The following PRIM2 variants were observed in gnomAD, a reference collection of about 807,000 sequenced individuals.
PRIM2 encodes the protein DNA primase large subunit.
PRIM2 carries 39 observed loss-of-function variants against 67.3 expected under a neutral mutation model. The ratio of observed to expected loss-of-function variants is 0.58; its 90% CI spans 0.45 to 0.76. The LOEUF (loss-of-function observed/expected upper bound fraction) is 0.76. Among genes scored for constraint, PRIM2 ranks in the 30% least tolerant of loss-of-function variants. PRIM2 has a pLI of 0.00. For synonymous variants in PRIM2, 143 were observed against 198.7 expected, an observed-to-expected ratio of 0.72 and a Z score of 2.36; for missense variants, 398 against 598.7, an observed-to-expected ratio of 0.66 and a Z score of 3.50.
intron 8 of PRIM2, among the ~76,000 whole-genome samples, chr6:57,520,385 A>G (rs1554348790): frequency 0.39 from 59,685 of 151,842 alleles, 12,006 homozygotes; most frequent in East Asian, 0.67. Flanking sequence ...TTCATGACTA[A>G]CCTATTATGA....
Position 57,391,275 on chromosome 6 carries a change from T to C in PRIM2, c.693+9107T>C, listed in dbSNP as rs577484768. Among the ~76,000 whole-genome samples the C allele has an allele frequency of 2.1e-4, 31 of 148,544 alleles. No homozygotes were observed. In the South Asian group the frequency reaches 6.2e-3, roughly 30 times the overall value. ...ATTTAAATTCCTTATAGATGTTGAA[T>C]ATTAGACCTTTGTCAGATGCATAGT... On this transcript the variant is annotated intron_variant, in intron 7 of 13. Transcript: ENST00000615550.
At chr6:57,318,651 C>T in intron 2 of PRIM2, 52 bp downstream of exon 2, 3 of 1,391,634 alleles carry the variant, frequency 2.2e-6, no homozygotes, top group Non-Finnish European at 3.0e-6. Flanking sequence ...CTCACTTACC[C>T]TTTGTGAGAA....
At chr6:57,229,075 T>A in the PRIM2 span, among the ~76,000 whole-genome samples, 1 of 152,254 alleles carries the variant, frequency 6.6e-6, no homozygotes, top group African/African-American at 2.4e-5. Flanking sequence ...AGTGTCCAAG[T>A]ATGGATTGTT....
intron 7 of PRIM2, among the ~76,000 whole-genome samples, chr6:57,444,705 G>A (rs1441874457): frequency 6.6e-6 from 1 of 152,170 alleles, no homozygotes; most frequent in Non-Finnish European, 1.5e-5. Flanking sequence ...ATGTGTTTTA[G>A]CAGAAAGGTT....
chr6:57,340,021 C>A (rs1233483317), intron 5 of PRIM2, among the ~76,000 whole-genome samples: 1 of 151,322 alleles, frequency 6.6e-6, no homozygotes, highest in Non-Finnish European at 1.5e-5. Flanking sequence ...GAAAAAAAAA[C>A]AACCCCATCA....
At chr6:57,240,042 A>G in the PRIM2 span, among the ~76,000 whole-genome samples, 1 of 151,612 alleles carries the variant, frequency 6.6e-6, no homozygotes, top group Non-Finnish European at 1.5e-5. Flanking sequence ...AAGAAGAGAT[A>G]TAAATTATAT....
intron 10 of PRIM2, among the ~76,000 whole-genome samples, chr6:57,539,075 T>C (rs1437922578): frequency 6.6e-6 from 1 of 152,188 alleles, no homozygotes; most frequent in Non-Finnish European, 1.5e-5. Flanking sequence ...TTTTTCAGAT[T>C]TGTTTTAAAA....
At chr6:57,614,864 A>ATATATATGTG (rs1164957758) in intron 12 of PRIM2, among the ~76,000 whole-genome samples, 1 of 150,744 alleles carries the variant, frequency 6.6e-6, no homozygotes, top group Admixed American at 6.6e-5. Context: ...ATATATATAT[A>ATATATATGTG]TGTATGTGTG....
Position 57,600,971 on chromosome 6 carries a change from G to A in PRIM2, c.1021-122G>A, listed in dbSNP as rs1277898917. On this transcript the variant is annotated intron_variant, in intron 10 of 13. Transcript: ENST00000615550. ...ACATGGCATGAATGTACATCTGCCC[G>A]TGAATGCTGAGTTTATTCTAGAAAA... 31 of 861,030 alleles carry A rather than the reference G, an allele frequency of 3.6e-5. 1 individual carries two copies. Among genetic ancestry groups the A allele is most frequent in the Middle Eastern group, 3.4e-4 (1 of 2,916 alleles). The allele number at this position is 861,030 out of a possible 1,614,324, so 53.3% of individuals were successfully genotyped here. A position where few individuals can be genotyped will look rare whatever the true frequency, so the allele number is the denominator to read the frequency against.
chr6:57,319,913 A>C (rs1215176609), intron 2 of PRIM2, among the ~76,000 whole-genome samples: 1 of 152,174 alleles, frequency 6.6e-6, no homozygotes, highest in Non-Finnish European at 1.5e-5. Flanking sequence ...CCAGAGAATA[A>C]TTCATCTGAG....
chr6:57,364,116 C>T (rs574061562), intron 5 of PRIM2, among the ~76,000 whole-genome samples: 203 of 150,780 alleles, frequency 1.3e-3, no homozygotes, highest in African/African-American at 4.7e-3. Flanking sequence ...TTATGGATTC[C>T]TATTCCTTGC....
chr6:57,598,421 C>T (rs1207729903), intron 10 of PRIM2, among the ~76,000 whole-genome samples: 20 of 152,316 alleles, frequency 1.3e-4, no homozygotes, highest in African/African-American at 4.8e-4. Flanking sequence ...GACACCCACC[C>T]TAACCCCTAC....
At chr6:57,377,517 T>G (rs2127331007) in intron 5 of PRIM2, among the ~76,000 whole-genome samples, 1 of 151,862 alleles carries the variant, frequency 6.6e-6, no homozygotes, top group South Asian at 2.1e-4. Flanking sequence ...CTGGGGTCAT[T>G]GCTGGTCCAG....
intron 3 of PRIM2, among the ~76,000 whole-genome samples, chr6:57,321,980 G>A (rs1767674816): frequency 6.6e-6 from 1 of 152,174 alleles, no homozygotes; most frequent in African/African-American, 2.4e-5. Flanking sequence ...GAATTGTACA[G>A]TGTCCATTGG....
the PRIM2 span, among the ~76,000 whole-genome samples, chr6:57,277,585 G>C: frequency 3.3e-5 from 5 of 151,516 alleles, no homozygotes; most frequent in Admixed American, 1.3e-4. Flanking sequence ...CAGAAGCCGG[G>C]GGGTGGTAGG....
chr6:57,436,561 A>T (rs1313351019), intron 7 of PRIM2, among the ~76,000 whole-genome samples: 3 of 152,198 alleles, frequency 2.0e-5, no homozygotes, highest in Admixed American at 2.0e-4. Flanking sequence ...GACTGATTTA[A>T]CTTAGTTGGA....
intron 10 of PRIM2, among the ~76,000 whole-genome samples, chr6:57,562,018 GGA>G (rs1245718735): frequency 6.6e-6 from 1 of 152,032 alleles, no homozygotes; most frequent in Non-Finnish European, 1.5e-5. Context: ...CTGAGGAGAG[GGA>G]GAGAGACAGG....
chr6:57,288,195 C>A, the PRIM2 span, among the ~76,000 whole-genome samples: 1 of 152,190 alleles, frequency 6.6e-6, no homozygotes, highest in South Asian at 2.1e-4. Context: ...TGTGATCAAC[C>A]TGCGACACTG....
chr6:57,307,973 A>G, the PRIM2 span, among the ~76,000 whole-genome samples: 519 of 152,162 alleles, frequency 3.4e-3, 3 homozygotes, highest in Middle Eastern at 0.017. Context: ...CATATACAGT[A>G]TTGTCCTATG....
Sources: allele counts gnomAD v4.1 joint callset (sites outside exome capture counted in the v4.1 genomes callset), GRCh38; gene constraint gnomAD v4.1.1; transcripts MANE v1.5; gene names NCBI Gene and HGNC (gene_info 2026-07-23, HGNC 2026-07-21).